NIPBL: variants seen among roughly 807,000 people sequenced by gnomAD.
NIPBL encodes NIPBL cohesin loading factor, also known as nipped-B-like protein.
NIPBL carries 19 observed loss-of-function variants against 321.8 expected under a neutral mutation model. That is an observed-to-expected ratio of 0.06 (90% confidence interval 0.04 to 0.09). NIPBL has a LOEUF of 0.09. Among genes scored for constraint, NIPBL ranks in the 10% least tolerant of loss-of-function variants. The pLI is 1.00. For synonymous variants in NIPBL, 1,106 were observed against 1,114.1 expected (o/e 0.99, Z 0.14); for missense variants, 2,210 against 3,327.0 (o/e 0.66, Z 8.26).
At chr5:37,052,632 AT>A in intron 42 of NIPBL, 66 bp downstream of exon 42, 3 of 1,190,642 alleles carry the variant, frequency 2.5e-6, no homozygotes, top group Non-Finnish European at 3.7e-6. Flanking sequence ...TAAAGTAGTC[AT>A]TTTTTAAATA....
At chr5:36,959,460 G>A (rs570565596) in intron 4 of NIPBL, among the ~76,000 whole-genome samples, 3 of 152,174 alleles carry the variant, frequency 2.0e-5, no homozygotes, top group Non-Finnish European at 4.4e-5. Context: ...AGGTATGCAC[G>A]ACAGGGCTCT....
intron 25 of NIPBL, 150 bp downstream of exon 25, chr5:37,019,550 A>C: frequency 1.5e-6 from 1 of 670,604 alleles, no homozygotes; most frequent in Non-Finnish European, 2.7e-6. Flanking sequence ...TCTAAACAGA[A>C]AAGAATGCTT....
intron 1 of NIPBL, 33 bp from the exon 2 acceptor site, chr5:36,953,585 T>G: frequency 1.1e-6 from 1 of 878,802 alleles, no homozygotes; most frequent in South Asian, 1.3e-5. Flanking sequence ...CTGACATATC[T>G]CTACAAATAA....
chr5:36,877,818 A>C (rs764596957), intron 1 of NIPBL, among the ~76,000 whole-genome samples: 17 of 152,230 alleles, frequency 1.1e-4, no homozygotes, highest in Non-Finnish European at 2.5e-4. Flanking sequence ...TAAAGAATTA[A>C]ATCGTCCACA....
At chr5:36,923,174 CGT>C (rs879940918) in intron 1 of NIPBL, among the ~76,000 whole-genome samples, 75 of 152,002 alleles carry the variant, frequency 4.9e-4, no homozygotes, top group Non-Finnish European at 9.7e-4. Context: ...GGTGTGGTGG[CGT>C]GCACCTGTAG....
intron 24 of NIPBL, 65 bp downstream of exon 24, chr5:37,017,227 A>G (rs914054708): frequency 1.4e-6 from 2 of 1,449,618 alleles, no homozygotes; most frequent in African/African-American, 2.8e-5. Flanking sequence ...ATGTCCTTAC[A>G]TTAGTTTTGC....
At chr5:36,964,422 A>C (rs1373577888) in intron 6 of NIPBL, among the ~76,000 whole-genome samples, 1 of 152,170 alleles carries the variant, frequency 6.6e-6, no homozygotes, top group Non-Finnish European at 1.5e-5. Context: ...CAGAATAGAG[A>C]ATCCAGATAT....
At chr5:36,884,803 G>A (rs1196620145) in intron 1 of NIPBL, among the ~76,000 whole-genome samples, 4 of 152,136 alleles carry the variant, frequency 2.6e-5, no homozygotes, top group African/African-American at 4.8e-5. Flanking sequence ...ATTTTCTTAG[G>A]TAGAGCTGTG....
intron 32 of NIPBL, among the ~76,000 whole-genome samples, chr5:37,033,726 A>ATTTTTT (rs1299371311): frequency 8.5e-4 from 67 of 79,040 alleles, no homozygotes; most frequent in African/African-American, 2.2e-3. Flanking sequence ...ATATATATAT[A>ATTTTTT]TATATTTTTT....
At chr5:36,901,690 G>A (rs561667651) in intron 1 of NIPBL, among the ~76,000 whole-genome samples, 1 of 151,974 alleles carries the variant, frequency 6.6e-6, no homozygotes, top group South Asian at 2.1e-4. Context: ...TGTATTTTTA[G>A]TAGAGAGGGG....
intron 11 of NIPBL, among the ~76,000 whole-genome samples, chr5:36,999,718 A>G (rs1186046303): frequency 1.3e-5 from 2 of 151,522 alleles, no homozygotes; most frequent in Non-Finnish European, 2.9e-5. Context: ...TGAAGCGTGC[A>G]TAAGCTTAGA....
rs559861875 is a variant in NIPBL at position 36,946,560 on chromosome 5, A to G, written c.-79-7058A>G. Among the ~76,000 whole-genome samples, 250 of 132,812 alleles carry G rather than the reference A, an allele frequency of 1.9e-3. 3 individuals carry two copies. Among genetic ancestry groups the G allele is most frequent in the African/African-American group, 7.3e-3 (242 of 33,256 alleles). The allele number at this position is 132,812 out of a possible 152,430, so 87.1% of individuals were successfully genotyped here. On this transcript the variant is annotated intron_variant, in intron 1 of 46. Transcript: ENST00000282516. ...TCAAAAACAGTGTGTGTGTGTGTAT[A>G]TATATGCATGTGTCTGTGTGTGTGT...
intron 6 of NIPBL, among the ~76,000 whole-genome samples, chr5:36,963,826 AGT>A (rs994172426): frequency 2.0e-5 from 3 of 152,102 alleles, no homozygotes; most frequent in Admixed American, 2.0e-4. Flanking sequence ...TACTGAATTG[AGT>A]GTGAGTGCCA....
rs1740824523 is a variant in NIPBL, at chr5:36,955,379, T to C, written c.65-93T>C. On this transcript the variant is annotated intron_variant, in intron 2 of 46. Transcript: ENST00000282516. Reference sequence around the variant, plus strand: ...TTTTAATAATTTGTCACATTGATATTTATAACTTACTTTTAATCCCAAAAT... The same window carrying C: ...TTTTAATAATTTGTCACATTGATATCTATAACTTACTTTTAATCCCAAAAT... 40 of 1,074,314 alleles carry C rather than the reference T, an allele frequency of 3.7e-5. No homozygotes were observed. In the South Asian group the frequency reaches 5.1e-4, roughly 14 times the overall value. The allele number at this position is 1,074,314 out of a possible 1,614,324, so 66.5% of individuals were successfully genotyped here. A position where few individuals can be genotyped will look rare whatever the true frequency, so the allele number is the denominator to read the frequency against.
In NIPBL at chr5:37,014,781, A is replaced by G. The variant is rs756952407; in HGVS notation, c.4643+16A>G. Reference sequence around the variant, plus strand: ...TCCTTAAAAAGTGAGTAAAATTAATATAAATCTGGTTTTTCTTTTCCACAG... The same window carrying G: ...TCCTTAAAAAGTGAGTAAAATTAATGTAAATCTGGTTTTTCTTTTCCACAG... On this transcript the variant is annotated intron_variant, in intron 22 of 46. Coordinates refer to ENST00000282516, the MANE Select transcript of NIPBL (RefSeq NM_133433.4). The G allele has an allele frequency of 6.8e-7, 1 of 1,474,538 alleles. No individual in the cohort carries two copies. Among genetic ancestry groups the G allele is most frequent in the Non-Finnish European group, 9.5e-7 (1 of 1,052,592 alleles). The allele number at this position is 1,474,538 out of a possible 1,614,324, so 91.3% of individuals were successfully genotyped here. A position where few individuals can be genotyped will look rare whatever the true frequency, so the allele number is the denominator to read the frequency against.
chr5:37,006,997 T>C (rs1486144572), intron 17 of NIPBL, among the ~76,000 whole-genome samples: 2 of 151,930 alleles, frequency 1.3e-5, no homozygotes, highest in African/African-American at 4.8e-5. Context: ...AATAATGAAC[T>C]TGACGATCTA....
At chr5:36,953,160 T>C (rs1259099986) in intron 1 of NIPBL, among the ~76,000 whole-genome samples, 1 of 152,140 alleles carries the variant, frequency 6.6e-6, no homozygotes, top group African/African-American at 2.4e-5. Flanking sequence ...AGGATAATGA[T>C]AAAAGACACA....
At chr5:37,034,464 T>G (rs1751466441) in intron 32 of NIPBL, among the ~76,000 whole-genome samples, 1 of 152,102 alleles carries the variant, frequency 6.6e-6, no homozygotes, top group Non-Finnish European at 1.5e-5. Flanking sequence ...GTACTAAAAT[T>G]GGGATTAACC....
chr5:36,953,553 C>A, intron 1 of NIPBL, 65 bp from the exon 2 acceptor site: 5 of 734,080 alleles, frequency 6.8e-6, no homozygotes, highest in Non-Finnish European at 7.3e-6. Flanking sequence ...AGTGATTAAG[C>A]ATTTTCCTGA....
Sources: gnomAD v4.1 joint callset for allele counts (sites outside exome capture counted in the v4.1 genomes callset) on GRCh38, gnomAD v4.1.1 for gene constraint, MANE v1.5 for transcripts, NCBI Gene and HGNC (gene_info 2026-07-23, HGNC 2026-07-21) for gene names.